The following KDM4C variants were observed in gnomAD, a reference collection of about 807,000 sequenced individuals.
The protein encoded by KDM4C is lysine-specific demethylase 4C.
Under a neutral mutation model 129.3 loss-of-function variants are expected in KDM4C, and 81 were observed. That is an observed-to-expected ratio of 0.63 (90% CI 0.52 to 0.75). KDM4C has a LOEUF of 0.75. Ranked by LOEUF, KDM4C falls within the 30% of genes least tolerant of loss-of-function variation. The pLI is 0.00. For missense variants in KDM4C, 1,457 were observed against 1,304.0 expected (o/e 1.12, Z -1.81); for synonymous variants, 573 against 456.1 (o/e 1.26, Z -3.26).
At chr9:6,910,599 G>C (rs1472122586) in intron 8 of KDM4C, among the ~76,000 whole-genome samples, 2 of 152,180 alleles carry the variant, frequency 1.3e-5, no homozygotes, top group Non-Finnish European at 2.9e-5. Flanking sequence ...TGGTGCAGAA[G>C]ACAAATGGAA....
At chr9:6,806,871 C>G (rs1164041073) in intron 3 of KDM4C, among the ~76,000 whole-genome samples, 1 of 139,270 alleles carries the variant, frequency 7.2e-6, no homozygotes. Context: ...TCTCCCTCTC[C>G]GTCTCCGTCT....
At chr9:7,084,634 C>G (rs1188742174) in intron 17 of KDM4C, among the ~76,000 whole-genome samples, 2 of 152,202 alleles carry the variant, frequency 1.3e-5, no homozygotes, top group Non-Finnish European at 2.9e-5. Flanking sequence ...GCTGCATGAT[C>G]TTAGTGTAGT....
chr9:6,833,541 G>A (rs1479429324), intron 4 of KDM4C, among the ~76,000 whole-genome samples: 1 of 152,202 alleles, frequency 6.6e-6, no homozygotes, highest in Non-Finnish European at 1.5e-5. Flanking sequence ...CCGGCCCTGT[G>A]ATTATGAACT....
chr9:7,030,904 A>C (rs1408475939), intron 15 of KDM4C, among the ~76,000 whole-genome samples: 2 of 152,166 alleles, frequency 1.3e-5, no homozygotes, highest in African/African-American at 4.8e-5. Context: ...TTCTCATTCC[A>C]TATAATGGAA....
intron 15 of KDM4C, among the ~76,000 whole-genome samples, chr9:7,039,572 T>G (rs1462336516): frequency 6.6e-6 from 1 of 152,072 alleles, no homozygotes; most frequent in African/African-American, 2.4e-5. Flanking sequence ...ACTCCCCCAA[T>G]ACCTAACTAG....
At chr9:6,745,969 C>T (rs889809608) in intron 1 of KDM4C, among the ~76,000 whole-genome samples, 11 of 152,080 alleles carry the variant, frequency 7.2e-5, no homozygotes, top group Non-Finnish European at 1.6e-4. Flanking sequence ...GCCACCATAC[C>T]TGGCTAATGT....
chr9:7,055,495 G>A (rs115395650), intron 17 of KDM4C, among the ~76,000 whole-genome samples: 1,689 of 152,268 alleles, frequency 0.011, 28 homozygotes, highest in African/African-American at 0.038. Context: ...AAGCCTTTCC[G>A]TGTCTGGCTG....
chr9:7,051,914 A>G (rs1272033666), intron 17 of KDM4C, among the ~76,000 whole-genome samples: 1 of 152,184 alleles, frequency 6.6e-6, no homozygotes, highest in Non-Finnish European at 1.5e-5. Flanking sequence ...TTCGTTGTGG[A>G]GGACTGTCAT....
At chr9:7,111,115 G>A (rs1211545778) in intron 18 of KDM4C, among the ~76,000 whole-genome samples, 1 of 146,486 alleles carries the variant, frequency 6.8e-6, no homozygotes, top group African/African-American at 2.5e-5. Flanking sequence ...AAACATTTTT[G>A]TTTTTTTTTT....
chr9:6,732,849 C>G lies in KDM4C; in HGVS notation c.49+11852C>G, dbSNP rs183328740. 1.1e-3 allele frequency among the ~76,000 whole-genome samples: 162 copies of G among 152,210 alleles called. 1 individual carries two copies. Among genetic ancestry groups the G allele is most frequent in the Non-Finnish European group, 1.7e-3 (117 of 68,010 alleles). ...CCAGCATGGCGAAACCCTGTTTCTA[C>G]TAAAAATACAAAAATTAGCTGGACG... is the stretch of plus-strand genomic sequence containing the variant. On this transcript the variant is annotated intron_variant, in intron 1 of 17. Transcript: ENST00000536108.
At chr9:7,023,125 G>T (rs1012058659) in intron 15 of KDM4C, among the ~76,000 whole-genome samples, 4 of 152,100 alleles carry the variant, frequency 2.6e-5, no homozygotes, top group Non-Finnish European at 5.9e-5. Flanking sequence ...TGTTTCCTTT[G>T]ATTTTGGTAT....
intron 1 of KDM4C, among the ~76,000 whole-genome samples, chr9:6,743,226 G>C (rs1396545336): frequency 1.3e-5 from 2 of 152,130 alleles, no homozygotes; most frequent in Non-Finnish European, 2.9e-5. Context: ...AAATTAGGTC[G>C]ACTGAAATGG....
Position 7,107,542 on chromosome 9 carries a change from A to C in KDM4C, c.2610+3672A>C, listed in dbSNP as rs541495283. Among the ~76,000 whole-genome samples, 20 of 152,362 alleles carry C rather than the reference A, an allele frequency of 1.3e-4. No individual in the cohort carries two copies. In the South Asian group the frequency reaches 4.1e-3, roughly 32 times the overall value. On this transcript the variant is annotated intron_variant, in intron 18 of 21. Coordinates refer to ENST00000381309, the MANE Select transcript of KDM4C (RefSeq NM_015061.6). Reference sequence around the variant, plus strand: ...TTAGGTTAGAATAATCTGCATATTTAGTGTAGCAGCACCAGAATCACTTGC... The same window carrying C: ...TTAGGTTAGAATAATCTGCATATTTCGTGTAGCAGCACCAGAATCACTTGC...
intron 4 of KDM4C, among the ~76,000 whole-genome samples, chr9:6,833,703 G>C (rs1444317033): frequency 6.6e-6 from 1 of 152,192 alleles, no homozygotes. Context: ...GGTATGTACT[G>C]AATCAGTGTT....
At chr9:7,001,076 T>C (rs910624201) in intron 12 of KDM4C, among the ~76,000 whole-genome samples, 7 of 152,218 alleles carry the variant, frequency 4.6e-5, no homozygotes, top group African/African-American at 1.7e-4. Context: ...TGGCTCTCTT[T>C]ATCAGCATTT....
chr9:6,811,395 G>T (rs897607260), intron 3 of KDM4C, among the ~76,000 whole-genome samples: 1 of 151,992 alleles, frequency 6.6e-6, no homozygotes. Flanking sequence ...CCTCTGATCC[G>T]CCCACCTCGG....
intron 19 of KDM4C, among the ~76,000 whole-genome samples, chr9:7,130,447 C>CTGTG (rs1279915174): frequency 2.0e-5 from 3 of 152,212 alleles, no homozygotes; most frequent in African/African-American, 7.2e-5. Context: ...TTTCCTTCCT[C>CTGTG]TGTGAACCAG....
intron 21 of KDM4C, chr9:7,170,804 A>G (rs1844877706): frequency 2.5e-5 from 24 of 978,276 alleles, no homozygotes; most frequent in Non-Finnish European, 2.9e-5. Context: ...GGAAAAACCA[A>G]GGGTTTTCTT....
rs1354226324 is a variant in KDM4C, at chr9:6,792,978, C to T, written c.-11C>T. On this transcript the variant is annotated 5_prime_UTR_variant, in exon 2 of 22. Coordinates refer to ENST00000381309, the MANE Select transcript of KDM4C (RefSeq NM_015061.6). ...CCTACTGTCTTCTCTCCAGACACTG[C>T]CCTAACCATCATGGAGGTGGCCGAG... is the stretch of plus-strand genomic sequence containing the variant. 3.7e-6 allele frequency: 6 copies of T among 1,613,966 alleles called. No individual in the cohort carries two copies. The highest frequency in any genetic ancestry group is 3.3e-5 in the Admixed American group (2 of 59,984).
Sources: allele counts gnomAD v4.1 joint callset (sites outside exome capture counted in the v4.1 genomes callset), GRCh38; gene constraint gnomAD v4.1.1; transcripts MANE v1.5; gene names NCBI Gene and HGNC (gene_info 2026-07-23, HGNC 2026-07-21).